Variants in WNK2 observed in about 807,000 individuals in gnomAD.
WNK2 encodes the protein WNK lysine deficient protein kinase 2.
A neutral mutation model predicts 192.1 loss-of-function variants in WNK2; 67 were observed. The observed-to-expected ratio is 0.35, with a 90% CI of 0.29 to 0.43. The LOEUF (loss-of-function observed/expected upper bound fraction) is 0.43, where lower values mean the gene tolerates loss of function less well. WNK2 is among the 20% of genes least tolerant of loss of function. WNK2 has a pLI of 1.00. For synonymous variants in WNK2, 1,439 were observed against 1,393.9 expected, an observed-to-expected ratio of 1.03 and a Z score of -0.72; for missense variants, 2,698 against 3,089.7, an observed-to-expected ratio of 0.87 and a Z score of 3.01.
chr9:93,299,159 G>C lies in WNK2; in HGVS notation c.6013G>C (p.Gly2005Arg), dbSNP rs1457455150. Residue 2005 changes from glycine to arginine, a missense_variant, in exon 25 of 30, where the codon GGG (glycine) becomes CGG (arginine). Coordinates refer to ENST00000427277, the MANE Select transcript of WNK2 (RefSeq NM_006648.4). ...GLTADSTGLS[G>R]KAVQTQQPCS... is the part of the protein sequence containing the mutation. ...CACTGCAGACAGCACGGGCCTGAGC[G>C]GGAAGGCAGTGCAGACCCAGCAGCC... 1 of 1,611,286 alleles carries C rather than the reference G, an allele frequency of 6.2e-7. No homozygotes were observed.
At chr9:93,250,327 C>T (rs1842401064) in intron 8 of WNK2, among the ~76,000 whole-genome samples, 1 of 152,196 alleles carries the variant, frequency 6.6e-6, no homozygotes, top group Admixed American at 6.5e-5. Flanking sequence ...GTGAACACCC[C>T]CACAAATGTG....
At chr9:93,319,500 C>A in intron 29 of WNK2, 2 of 743,338 alleles carry the variant, frequency 2.7e-6, no homozygotes, top group Non-Finnish European at 3.3e-6. Flanking sequence ...CTGCCCACCA[C>A]TCTGCACCTG....
At chr9:93,312,931 G>T (rs1347962805) in intron 28 of WNK2, among the ~76,000 whole-genome samples, 1 of 152,262 alleles carries the variant, frequency 6.6e-6, no homozygotes, top group South Asian at 2.1e-4. Context: ...CATTTCCATT[G>T]TAAGTGTCTC....
chr9:93,285,435 AC>A (rs1424048395), intron 19 of WNK2, among the ~76,000 whole-genome samples: 1 of 152,242 alleles, frequency 6.6e-6, no homozygotes, highest in Admixed American at 6.5e-5. Context: ...CTGTATACCA[AC>A]AACAATCAGA....
At chr9:93,271,126 A>T (rs1233598976) in intron 19 of WNK2, among the ~76,000 whole-genome samples, 1 of 152,194 alleles carries the variant, frequency 6.6e-6, no homozygotes, top group African/African-American at 2.4e-5. Context: ...TGAGCTAATG[A>T]GTAGACCTCG....
At chr9:93,218,232 G>A (rs1175953172) in intron 2 of WNK2, among the ~76,000 whole-genome samples, 2 of 152,162 alleles carry the variant, frequency 1.3e-5, no homozygotes, top group African/African-American at 4.8e-5. Context: ...CACAGGCCTT[G>A]CCCTGGGGTG....
intron 28 of WNK2, chr9:93,308,977 T>C (rs1853136259): frequency 1.9e-6 from 2 of 1,041,212 alleles, no homozygotes; most frequent in Non-Finnish European, 1.2e-6. Flanking sequence ...CAGGTGTGCA[T>C]GTCACCCAAG....
intron 4 of WNK2, among the ~76,000 whole-genome samples, chr9:93,231,664 G>A (rs1838835573): frequency 6.6e-6 from 1 of 152,256 alleles, no homozygotes; most frequent in Admixed American, 6.5e-5. Context: ...GCACAGAGCA[G>A]GCGTTGTGCA....
intron 21 of WNK2, 52 bp downstream of exon 21, chr9:93,290,099 T>A (rs1849090311): frequency 2.0e-6 from 3 of 1,517,246 alleles, no homozygotes; most frequent in East Asian, 4.9e-5. Flanking sequence ...CTGGCTTCCT[T>A]GCCCCAGAAC....
chr9:93,259,132 C>T lies in WNK2; in HGVS notation c.2584C>T (p.Pro862Ser), dbSNP rs745686038. Residue 862 changes from proline (P) to serine (S), a missense_variant, in exon 12 of 30, where the codon CCC becomes TCC. Coordinates refer to ENST00000427277, the MANE Select transcript of WNK2 (RefSeq NM_006648.4). This position sits in a 1 kb window ranked among gnomAD's most constrained non-coding sequence, Gnocchi z 4.8. ...CTTGCCTCTGCAGGCTGTGAAGCTG[C>T]CCCACCCCCCTGGGGCGCCCCTGGC... ...PALPLQAVKL[P>S]HPPGAPLAMP... The T allele has an allele frequency of 1.1e-5, 18 of 1,611,664 alleles. No individual in the cohort carries two copies.
At chr9:93,300,257 C>T in intron 26 of WNK2, 108 bp downstream of exon 26, 1 of 921,504 alleles carries the variant, frequency 1.1e-6, no homozygotes, top group Non-Finnish European at 1.7e-6. Flanking sequence ...ATGCCTCCCC[C>T]ACCCCATCGA....
chr9:93,238,044 C>A (rs1840118633), intron 5 of WNK2, among the ~76,000 whole-genome samples, 189 bp from the exon 6 acceptor site: 1 of 152,188 alleles, frequency 6.6e-6, no homozygotes, highest in Non-Finnish European at 1.5e-5. Flanking sequence ...CCCTTTCTCC[C>A]AGAGCCCGCA....
chr9:93,243,919 A>C (rs1195232029), intron 7 of WNK2, among the ~76,000 whole-genome samples: 1 of 152,248 alleles, frequency 6.6e-6, no homozygotes, highest in Non-Finnish European at 1.5e-5. Flanking sequence ...CCTGGCTCTG[A>C]GGCTGCTCTT....
At chr9:93,262,853 A>T (rs990352577) in intron 14 of WNK2, 134 bp downstream of exon 14, 2 of 964,734 alleles carry the variant, frequency 2.1e-6, no homozygotes, top group Admixed American at 2.1e-5. Flanking sequence ...GGGTTTTTCA[A>T]ACCTGACCTG....
At chr9:93,293,871 C>G (rs944758135) in intron 23 of WNK2, among the ~76,000 whole-genome samples, 1 of 151,942 alleles carries the variant, frequency 6.6e-6, no homozygotes, top group African/African-American at 2.4e-5. Flanking sequence ...CTCCCTGTCT[C>G]GCTTCCCACC....
intron 2 of WNK2, among the ~76,000 whole-genome samples, chr9:93,218,625 G>A (rs530242971): frequency 4.9e-4 from 75 of 152,308 alleles, no homozygotes; most frequent in African/African-American, 1.8e-3. Flanking sequence ...GTCCAGGGCC[G>A]AGGGTTCGAG....
At chr9:93,208,688 T>C (rs891452281) in intron 2 of WNK2, among the ~76,000 whole-genome samples, 1 of 8,216 alleles carries the variant, frequency 1.2e-4, no homozygotes, top group Non-Finnish European at 3.1e-4. Flanking sequence ...TGTGTGCATG[T>C]GTTCTGTGTG....
At chr9:93,304,957 G>C (rs1241114466) in intron 26 of WNK2, among the ~76,000 whole-genome samples, 1 of 152,208 alleles carries the variant, frequency 6.6e-6, no homozygotes. Context: ...GGCCAGGGTT[G>C]CTCCCTGGCT....
chr9:93,226,489 G>T (rs989831138), intron 2 of WNK2, among the ~76,000 whole-genome samples: 1 of 151,854 alleles, frequency 6.6e-6, no homozygotes, highest in Admixed American at 6.6e-5. Context: ...ATTGAAGGGT[G>T]ATTTACATAT....
Sources: gnomAD v4.1 joint callset for allele counts (sites outside exome capture counted in the v4.1 genomes callset) on GRCh38, gnomAD v4.1.1 for gene constraint, Gnocchi (gnomAD v3.1) non-coding constraint, MANE v1.5 for transcripts, NCBI Gene and HGNC (gene_info 2026-07-23, HGNC 2026-07-21) for gene names.